TEX11: variants seen among roughly 807,000 people sequenced by gnomAD.
TEX11 encodes the protein testis-expressed protein 11.
TEX11 carries 7 observed loss-of-function variants against 84.4 expected under a neutral mutation model. The ratio of observed to expected loss-of-function variants is 0.08; its 90% CI spans 0.05 to 0.16. The LOEUF (loss-of-function observed/expected upper bound fraction) is 0.16, where lower values mean the gene tolerates loss of function less well. Among genes scored for constraint, TEX11 ranks in the 10% least tolerant of loss-of-function variants. TEX11 has a pLI of 1.00. For synonymous variants in TEX11, 264 were observed against 222.8 expected (o/e 1.18, Z -1.64); for missense variants, 551 against 660.5 (o/e 0.83, Z 1.82).
At chrX:70,588,794 C>T (rs1283510073) in intron 25 of TEX11, among the ~76,000 whole-genome samples, 1 of 110,524 alleles carries the variant, frequency 9.0e-6, no homozygotes, top group African/African-American at 3.3e-5. Flanking sequence ...TAGGGTTGGG[C>T]ATGGTGGTTC....
intron 9 of TEX11, 143 bp downstream of exon 9, chrX:70,806,562 A>G: frequency 2.4e-6 from 1 of 422,353 alleles, no homozygotes. Context: ...AATAAACAAT[A>G]CATGTTAAAA....
chrX:70,584,719 C>T (rs1374073423), intron 25 of TEX11, among the ~76,000 whole-genome samples: 1 of 111,652 alleles, frequency 9.0e-6, no homozygotes, highest in Non-Finnish European at 1.9e-5. Context: ...GTGATTTATC[C>T]CAAGAACGCA....
intron 18 of TEX11, among the ~76,000 whole-genome samples, chrX:70,627,444 T>C (rs1387445683): frequency 9.0e-6 from 1 of 111,545 alleles, no homozygotes; most frequent in Non-Finnish European, 1.9e-5. Flanking sequence ...GGAAGGAACA[T>C]GATAGCTAAT....
intron 25 of TEX11, among the ~76,000 whole-genome samples, chrX:70,556,561 G>A (rs989229108): frequency 1.5e-4 from 17 of 110,507 alleles, no homozygotes; most frequent in African/African-American, 5.4e-4. Flanking sequence ...GGCTTACAAT[G>A]ATGAATGTTC....
At chrX:70,621,567 TATATATATATAA>T (rs1178386904) in intron 20 of TEX11, among the ~76,000 whole-genome samples, 10 of 55,778 alleles carry the variant, frequency 1.8e-4, no homozygotes, top group Admixed American at 2.3e-4. Flanking sequence ...TATATATATA[TATATATATATAA>T]ATAAAAATAA....
intron 3 of TEX11, among the ~76,000 whole-genome samples, chrX:70,876,080 C>T (rs1250893898): frequency 8.9e-6 from 1 of 112,287 alleles, no homozygotes; most frequent in Non-Finnish European, 1.9e-5. Context: ...ATGTTTACAA[C>T]TGTAGAATGT....
intron 9 of TEX11, among the ~76,000 whole-genome samples, chrX:70,767,051 T>C (rs1322622830): frequency 9.0e-6 from 1 of 111,694 alleles, no homozygotes; most frequent in Non-Finnish European, 1.9e-5. Flanking sequence ...ATAACATCAG[T>C]CTGGGCAAAG....
At chrX:70,742,950 T>C (rs1032952610) in intron 10 of TEX11, among the ~76,000 whole-genome samples, 2 of 111,392 alleles carry the variant, frequency 1.8e-5, no homozygotes, top group African/African-American at 6.5e-5. Flanking sequence ...ATTAAGTATA[T>C]TCACACTCTT....
chrX:70,744,857 C>A (rs1017465683), intron 9 of TEX11, among the ~76,000 whole-genome samples: 5 of 108,322 alleles, frequency 4.6e-5, no homozygotes, highest in African/African-American at 1.7e-4. Context: ...ATTATAGGAA[C>A]TCATCACCAT....
At chrX:70,530,097 A>C in intron 28 of TEX11, 98 bp from the exon 29 acceptor site, 2 of 762,534 alleles carry the variant, frequency 2.6e-6, no homozygotes, top group Non-Finnish European at 3.8e-6. Context: ...TAAACAAACA[A>C]TAGGAGCTCT....
At chrX:70,764,427 G>A (rs2090927398) in intron 9 of TEX11, among the ~76,000 whole-genome samples, 1 of 111,154 alleles carries the variant, frequency 9.0e-6, no homozygotes, top group African/African-American at 3.3e-5. Flanking sequence ...GACTAGAAAA[G>A]CAAGAACAAA....
At chrX:70,584,612 C>T (rs1475528683) in intron 25 of TEX11, among the ~76,000 whole-genome samples, 1 of 111,105 alleles carries the variant, frequency 9.0e-6, no homozygotes, top group Non-Finnish European at 1.9e-5. Flanking sequence ...AAATTACAAA[C>T]CAATATTCTT....
intron 7 of TEX11, among the ~76,000 whole-genome samples, chrX:70,851,089 A>G (rs2091505927): frequency 8.9e-6 from 1 of 111,851 alleles, no homozygotes; most frequent in Non-Finnish European, 1.9e-5. Flanking sequence ...CCAATTGAAA[A>G]GCTGATCCTA....
chrX:70,593,941 G>T (rs1320151829), intron 24 of TEX11, among the ~76,000 whole-genome samples: 2 of 110,576 alleles, frequency 1.8e-5, no homozygotes, highest in African/African-American at 6.6e-5. Context: ...GAAAAGGAGC[G>T]AAAAAGAGAA....
At chrX:70,891,254 T>C (rs2147880715) in intron 2 of TEX11, among the ~76,000 whole-genome samples, 1 of 111,552 alleles carries the variant, frequency 9.0e-6, no homozygotes, top group African/African-American at 3.3e-5. Flanking sequence ...CAAAGGTAGA[T>C]AAAACCACAA....
chrX:70,858,030 T>C (rs891415666), intron 5 of TEX11, among the ~76,000 whole-genome samples: 4 of 110,097 alleles, frequency 3.6e-5, no homozygotes, highest in African/African-American at 9.9e-5. Context: ...ATAAAAATGA[T>C]ACAATGGACT....
At chrX:70,894,650 C>A (rs1433013051) in intron 2 of TEX11, among the ~76,000 whole-genome samples, 1 of 109,803 alleles carries the variant, frequency 9.1e-6, no homozygotes, top group African/African-American at 3.3e-5. Flanking sequence ...ACTGGCAAAC[C>A]AAATCCAGCA....
intron 11 of TEX11, among the ~76,000 whole-genome samples, chrX:70,733,009 C>A (rs896194075): frequency 8.9e-6 from 1 of 111,926 alleles, no homozygotes; most frequent in Non-Finnish European, 1.9e-5. Context: ...ACATCTACAA[C>A]TATCTGACCT....
intron 9 of TEX11, among the ~76,000 whole-genome samples, chrX:70,750,103 G>C (rs4844138): frequency 1.8e-5 from 2 of 111,102 alleles, no homozygotes; most frequent in African/African-American, 6.6e-5. Flanking sequence ...CCATCAAAAA[G>C]TGGGCGAAGG....
Sources: allele counts gnomAD v4.1 joint callset (sites outside exome capture counted in the v4.1 genomes callset), GRCh38; gene constraint gnomAD v4.1.1; transcripts MANE v1.5; gene names NCBI Gene and HGNC (gene_info 2026-07-23, HGNC 2026-07-21).